LPCAT3: variants seen among roughly 807,000 people sequenced by gnomAD.
LPCAT3 encodes lysophosphatidylcholine acyltransferase 3, also known as lysophospholipid acyltransferase 5.
A neutral mutation model predicts 63.4 loss-of-function variants in LPCAT3; 21 were observed. The ratio of observed to expected loss-of-function variants is 0.33; its 90% CI spans 0.23 to 0.48. The LOEUF (loss-of-function observed/expected upper bound fraction) is 0.48, where lower values mean the gene tolerates loss of function less well. Ranked by LOEUF, LPCAT3 falls within the 20% of genes least tolerant of loss-of-function variation. The probability of loss-of-function intolerance (pLI) is 0.99; values close to 1 mark genes in which losing one functional copy is unlikely to be tolerated. For synonymous variants in LPCAT3, 242 were observed against 227.5 expected, an observed-to-expected ratio of 1.06 and a Z score of -0.58; for missense variants, 451 against 590.6, an observed-to-expected ratio of 0.76 and a Z score of 2.45.
chr12:6,978,130 G>A lies in LPCAT3; in HGVS notation c.1040+211C>T, dbSNP rs1555153553. The A allele has an allele frequency of 2.3e-5, 14 of 603,246 alleles. 1 individual carries two copies. Among genetic ancestry groups the A allele is most frequent in the South Asian group, 1.3e-4 (6 of 47,854 alleles). The allele number at this position is 603,246 out of a possible 1,614,324, so 37.4% of individuals were successfully genotyped here. A position where few individuals can be genotyped will look rare whatever the true frequency, so the allele number is the denominator to read the frequency against. On this transcript the variant is annotated intron_variant, in intron 9 of 12. Transcript: ENST00000261407. ...GCTGGAGTAACACCCAGGTCTTAAC[G>A]CACTTTTATATCTTGCCTTTTTTTC... is the stretch of plus-strand genomic sequence containing the variant.
intron 1 of LPCAT3, among the ~76,000 whole-genome samples, chr12:7,008,894 C>A (rs139258257): frequency 6.6e-6 from 1 of 152,262 alleles, no homozygotes; most frequent in African/African-American, 2.4e-5. Context: ...ACAACAACAT[C>A]TCTTTATTCC....
intron 1 of LPCAT3, among the ~76,000 whole-genome samples, chr12:6,993,294 C>T (rs1207805007): frequency 1.3e-5 from 2 of 151,954 alleles, no homozygotes; most frequent in Non-Finnish European, 2.9e-5. Flanking sequence ...ATTAGCTGGG[C>T]GTGGTGGTGC....
chr12:6,982,538 C>G lies in LPCAT3; in HGVS notation c.366+138G>C, dbSNP rs1189442562. ...ACTTGGGCCTGTGATAAGCCACCTA[C>G]CTGAAGTCATACTGCTAAGTGCTGG... On this transcript the variant is annotated intron_variant, in intron 3 of 12. Transcript: ENST00000261407. 2.8e-5 allele frequency: 18 copies of G among 644,556 alleles called. No homozygotes were observed. The Admixed American group carries it at 4.4e-4, about 16-fold the overall frequency. The allele number at this position is 644,556 out of a possible 1,614,324, so 39.9% of individuals were successfully genotyped here.
intron 6 of LPCAT3, chr12:6,979,994 A>G (rs909302459): frequency 6.2e-6 from 1 of 162,002 alleles, no homozygotes; most frequent in Admixed American, 6.5e-5. Context: ...ACAAGTTCTC[A>G]GTGAAGGAAT....
At chr12:6,988,485 G>C (rs972085986) in intron 1 of LPCAT3, 4 of 152,224 alleles carry the variant, frequency 2.6e-5, no homozygotes, top group Admixed American at 1.3e-4. Context: ...CCACTTCAGG[G>C]ATGTGCTGTT....
chr12:6,985,715 A>AAAAC (rs1223954884), intron 1 of LPCAT3, among the ~76,000 whole-genome samples: 1 of 152,098 alleles, frequency 6.6e-6, no homozygotes, highest in South Asian at 2.1e-4. Flanking sequence ...ACTCTGTCTC[A>AAAAC]AAACAAACAA....
At chr12:6,994,727 T>C (rs1946622443) in intron 1 of LPCAT3, among the ~76,000 whole-genome samples, 1 of 152,230 alleles carries the variant, frequency 6.6e-6, no homozygotes, top group African/African-American at 2.4e-5. Flanking sequence ...AGTGTTGGGA[T>C]TACAGGCATC....
intron 1 of LPCAT3, among the ~76,000 whole-genome samples, chr12:7,011,281 T>C (rs1398309099): frequency 6.6e-6 from 1 of 152,156 alleles, no homozygotes; most frequent in Non-Finnish European, 1.5e-5. Flanking sequence ...AGTGATCCTC[T>C]TGCTTTGGCC....
chr12:6,994,351 G>A (rs1264732411), intron 1 of LPCAT3, among the ~76,000 whole-genome samples: 3 of 152,128 alleles, frequency 2.0e-5, no homozygotes, highest in Non-Finnish European at 4.4e-5. Flanking sequence ...GGGATTACAG[G>A]TGTGCACCAC....
chr12:7,006,161 G>A (rs184756358), intron 1 of LPCAT3, among the ~76,000 whole-genome samples: 145 of 152,300 alleles, frequency 9.5e-4, no homozygotes, highest in Non-Finnish European at 1.5e-3. Flanking sequence ...GTTGAGAGGC[G>A]CTGGCCTACG....
Position 7,017,124 on chromosome 12 carries a change from T to G in LPCAT3, c.151+1150A>C, listed in dbSNP as rs1272649896. Among the ~76,000 whole-genome samples the G allele has an allele frequency of 6.6e-6, 1 of 152,180 alleles. No homozygotes were observed. Among genetic ancestry groups the G allele is most frequent in the Non-Finnish European group, 1.5e-5 (1 of 68,050 alleles). ...CTTTCCACACCTGCCCAACTTTATC[T>G]CAAACTTCTCATGGTTCAGACCTCT... On this transcript the variant is annotated intron_variant, in intron 1 of 12. Transcript: ENST00000261407. This position sits in a 1 kb window ranked among gnomAD's most constrained non-coding sequence, Gnocchi z 4.1.
chr12:6,981,214 T>C (rs1328165150), intron 5 of LPCAT3, 32 bp from the exon 6 acceptor site: 1 of 1,556,904 alleles, frequency 6.4e-7, no homozygotes, highest in Non-Finnish European at 8.7e-7. Flanking sequence ...TGGTTCAGGA[T>C]AGCCTTGAAT....
chr12:6,981,012 T>C lies in LPCAT3; in HGVS notation c.669A>G (p.Ile223Met). Residue 223 changes from isoleucine (I) to methionine (M), a missense_variant, in exon 6 of 13, where the codon ATA becomes ATG. Transcript: ENST00000261407. The part of the protein sequence containing the change: ...QGELIDIPGK[I>M]PNSIIPALKR... ...CCAAGAGGGGCAATTACCTGTTTGG[T>C]ATCTTTCCTGGTATGTCAATCAGCT... 1 of 1,594,636 alleles carries C rather than the reference T, an allele frequency of 6.3e-7. No individual in the cohort carries two copies. Among genetic ancestry groups the C allele is most frequent in the Non-Finnish European group, 8.5e-7 (1 of 1,172,002 alleles).
In LPCAT3 at chr12:6,981,581, G is replaced by T; in HGVS notation, c.498+14C>A. ...TTAAGTCTTGAACCTCTCTGCCGATGAATGGGTACTTACCTGATCTTTCCC... is the reference window on the plus strand; with the variant it reads ...TTAAGTCTTGAACCTCTCTGCCGATTAATGGGTACTTACCTGATCTTTCCC... On this transcript the variant is annotated intron_variant, in intron 5 of 12. Coordinates refer to ENST00000261407, the MANE Select transcript of LPCAT3 (RefSeq NM_005768.6). 6.2e-7 allele frequency: 1 copy of T among 1,613,694 alleles called. No homozygotes were observed. Among genetic ancestry groups the T allele is most frequent in the Non-Finnish European group, 8.5e-7 (1 of 1,179,596 alleles).
At chr12:7,012,468 G>A (rs1173652485) in intron 1 of LPCAT3, among the ~76,000 whole-genome samples, 1 of 152,160 alleles carries the variant, frequency 6.6e-6, no homozygotes, top group East Asian at 1.9e-4. Context: ...TAACTGGCAG[G>A]TTTAGGTGGG....
intron 1 of LPCAT3, among the ~76,000 whole-genome samples, chr12:7,015,900 A>G (rs1157880021): frequency 1.3e-5 from 2 of 152,198 alleles, no homozygotes; most frequent in African/African-American, 2.4e-5. Flanking sequence ...GCCCAGCAGG[A>G]GTGCACAGGC....
intron 6 of LPCAT3, 120 bp downstream of exon 6, chr12:6,980,884 A>G: frequency 1.0e-6 from 1 of 987,130 alleles, no homozygotes; most frequent in Non-Finnish European, 1.5e-6. Flanking sequence ...ACAACAGTCC[A>G]GGGCCTGCAT....
chr12:6,978,606 G>A lies in LPCAT3; in HGVS notation c.870C>T (p.Val290=). 1 of 1,614,068 alleles carries A rather than the reference G, an allele frequency of 6.2e-7. No homozygotes were observed. The highest frequency in any genetic ancestry group is 8.5e-7 in the Non-Finnish European group (1 of 1,180,020). Residue 290 remains valine (V), a synonymous_variant, in exon 8 of 13, where the codon GTC becomes GTT. Coordinates refer to ENST00000261407, the MANE Select transcript of LPCAT3 (RefSeq NM_005768.6). The part of the protein sequence containing the change: ...VLYKYVTCWL[V]TEGVCILTGL... ...TTGTTTCAACTTTTCTACTTACTGT[G>A]ACCAGCCAACAGGTGACATATTTGT... is the stretch of plus-strand genomic sequence containing the variant.
At chr12:6,982,582 GGTCTGCTAATTTCTATACCACA>G in intron 3 of LPCAT3, 72 bp downstream of exon 3, 1 of 892,862 alleles carries the variant, frequency 1.1e-6, no homozygotes, top group Non-Finnish European at 1.8e-6. Context: ...TTAGAAATTA[GGTCTGCTAATTTCTATACCACA>G]GTCCCCTGCC....
Sources: gnomAD v4.1 joint callset for allele counts (sites outside exome capture counted in the v4.1 genomes callset) on GRCh38, gnomAD v4.1.1 for gene constraint, Gnocchi (gnomAD v3.1) non-coding constraint, MANE v1.5 for transcripts, NCBI Gene and HGNC (gene_info 2026-07-23, HGNC 2026-07-21) for gene names.